The following FGD4 variants were observed in gnomAD, a reference collection of about 807,000 sequenced individuals.
FGD4 encodes the protein FYVE, RhoGEF and PH domain containing 4, also known as FYVE, RhoGEF and PH domain-containing protein 4.
FGD4 carries 42 observed loss-of-function variants against 102.0 expected under a neutral mutation model. The observed-to-expected ratio is 0.41, with a 90% CI of 0.32 to 0.53. FGD4 has a LOEUF of 0.53. FGD4 is among the 20% of genes least tolerant of loss of function. FGD4 has a pLI of 0.21. For synonymous variants in FGD4, 380 were observed against 375.7 expected, an observed-to-expected ratio of 1.01 and a Z score of -0.13; for missense variants, 902 against 1,078.2, an observed-to-expected ratio of 0.84 and a Z score of 2.29.
intron 1 of FGD4, among the ~76,000 whole-genome samples, chr12:32,443,602 G>T (rs1226971881): frequency 2.0e-5 from 3 of 147,302 alleles, no homozygotes; most frequent in African/African-American, 7.5e-5. Context: ...GCAGTGGTGC[G>T]ATCACAGCTC....
At chr12:32,431,208 C>G (rs889109473) in intron 1 of FGD4, among the ~76,000 whole-genome samples, 1 of 152,212 alleles carries the variant, frequency 6.6e-6, no homozygotes, top group African/African-American at 2.4e-5. Context: ...CTCTGATTAG[C>G]TGGCAGCAGA....
At chr12:32,629,623 G>A (rs1168842544) in intron 14 of FGD4, among the ~76,000 whole-genome samples, 1 of 151,956 alleles carries the variant, frequency 6.6e-6, no homozygotes, top group Non-Finnish European at 1.5e-5. Context: ...TGTCTCTCCT[G>A]TTTTTATCTC....
At chr12:32,430,384 C>G (rs1942007785) in intron 1 of FGD4, among the ~76,000 whole-genome samples, 1 of 152,032 alleles carries the variant, frequency 6.6e-6, no homozygotes, top group Admixed American at 6.6e-5. Context: ...TGCTGGGCAA[C>G]CGTACTTTTG....
At chr12:32,619,631 CAAAA>C in intron 10 of FGD4, 63 bp from the exon 11 acceptor site, 1 of 1,539,056 alleles carries the variant, frequency 6.5e-7, no homozygotes, top group Non-Finnish European at 9.0e-7. Context: ...GACTCTGTCT[CAAAA>C]AAAAACCTGA....
chr12:32,638,555 A>T, intron 15 of FGD4, 100 bp from the exon 16 acceptor site: 1 of 1,449,982 alleles, frequency 6.9e-7, no homozygotes, highest in Non-Finnish European at 9.5e-7. Context: ...TTTTTTGGAT[A>T]GTCCAGGGAA....
At chr12:32,615,545 G>T (rs1949395090) in intron 10 of FGD4, among the ~76,000 whole-genome samples, 1 of 152,062 alleles carries the variant, frequency 6.6e-6, no homozygotes, top group South Asian at 2.1e-4. Context: ...GGGTAATATA[G>T]ATAGCTAAAT....
chr12:32,602,167 T>C lies in FGD4; in HGVS notation c.1254T>C (p.Thr418=). Residue 418 remains threonine (T), a synonymous_variant, in exon 7 of 17, where the codon ACT becomes ACC. Coordinates refer to ENST00000534526, the MANE Select transcript of FGD4 (RefSeq NM_001370298.3). ...TTTTCTATATTTGATACAGGGAAAC[T>C]ACTCCTAGAATTGGAGACATCCTTC... ...ELEKRMQEWE[T]TPRIGDILQK... 6.2e-7 allele frequency: 1 copy of C among 1,613,994 alleles called. No homozygotes were observed. The highest frequency in any genetic ancestry group is 2.2e-5 in the East Asian group (1 of 44,854).
Position 32,402,117 on chromosome 12 carries a change from A to ATTTT in FGD4, c.166+2184_166+2187dup, listed in dbSNP as rs56852726. Among the ~76,000 whole-genome samples the ATTTT allele has an allele frequency of 5.2e-4, 55 of 105,188 alleles. 2 individuals carry two copies. The East Asian group carries it at 0.011, about 21-fold the overall frequency. The allele number at this position is 105,188 out of a possible 152,430, so 69.0% of individuals were successfully genotyped here. A position where few individuals can be genotyped will look rare whatever the true frequency, so the allele number is the denominator to read the frequency against. ...CGGAGTTTCACCATGTTGGCCAGGC[A>ATTTT]TTTTTTTTTTTTTTTTTTTTTTTTT... On this transcript the variant is annotated intron_variant, in intron 1 of 16. Coordinates refer to ENST00000534526, the MANE Select transcript of FGD4 (RefSeq NM_001370298.3).
chr12:32,498,850 C>T (rs1193887072), intron 1 of FGD4, among the ~76,000 whole-genome samples: 16 of 152,224 alleles, frequency 1.1e-4, no homozygotes, highest in Admixed American at 1.0e-3. Flanking sequence ...ATCCGCCTGC[C>T]TTGGCCTCCC....
chr12:32,412,908 T>G (rs1047964212), intron 1 of FGD4, among the ~76,000 whole-genome samples: 48 of 138,838 alleles, frequency 3.5e-4, no homozygotes, highest in Admixed American at 3.6e-4. Flanking sequence ...AATTTTTTTT[T>G]TTTTTTTTTT....
chr12:32,473,432 C>T (rs7310262), intron 1 of FGD4, among the ~76,000 whole-genome samples: 3 of 151,648 alleles, frequency 2.0e-5, no homozygotes, highest in South Asian at 2.1e-4. Flanking sequence ...CAACTCCAGA[C>T]GCGCCGCCTT....
At chr12:32,525,729 TC>T (rs751412300) in intron 1 of FGD4, among the ~76,000 whole-genome samples, 2 of 152,166 alleles carry the variant, frequency 1.3e-5, no homozygotes, top group Non-Finnish European at 2.9e-5. Flanking sequence ...CAGCTGGAGT[TC>T]CAGGTGGGCG....
At chr12:32,535,774 A>G (rs1278550190) in intron 1 of FGD4, among the ~76,000 whole-genome samples, 1 of 152,200 alleles carries the variant, frequency 6.6e-6, no homozygotes, top group Admixed American at 6.5e-5. Context: ...GATTGGAGAG[A>G]CAGTATTCCC....
rs1324548170 is a variant in FGD4, at chr12:32,644,099, CATG to C, written c.*3569_*3571del. The stretch of plus-strand genomic sequence containing the variant: ...GTGTTAGTGGGTCTAAGATTAAGCA[CATG>C]ATATTTATAAGCTAAAATTAACTCA... On this transcript the variant is annotated 3_prime_UTR_variant, in exon 17 of 17. Coordinates refer to ENST00000534526, the MANE Select transcript of FGD4 (RefSeq NM_001370298.3). 2 of 152,122 alleles carry C rather than the reference CATG, an allele frequency of 1.3e-5. No homozygotes were observed. Among genetic ancestry groups the C allele is most frequent in the Non-Finnish European group, 2.9e-5 (2 of 67,990 alleles). 9.4% of individuals were successfully genotyped at this position (152,122 alleles called of 1,614,324 possible).
At chr12:32,436,825 CA>C (rs995867716) in intron 1 of FGD4, among the ~76,000 whole-genome samples, 2 of 151,782 alleles carry the variant, frequency 1.3e-5, no homozygotes, top group African/African-American at 2.4e-5. Context: ...ATATAAAAAA[CA>C]AAAAATGGGG....
At chr12:32,550,622 G>A (rs1592185027) in intron 1 of FGD4, among the ~76,000 whole-genome samples, 1 of 135,448 alleles carries the variant, frequency 7.4e-6, no homozygotes, top group East Asian at 2.2e-4. Context: ...AGTGAGCCAT[G>A]ACAGTGCCAC....
At chr12:32,550,131 G>A (rs979377254) in intron 1 of FGD4, among the ~76,000 whole-genome samples, 3 of 152,168 alleles carry the variant, frequency 2.0e-5, no homozygotes, top group Non-Finnish European at 4.4e-5. Flanking sequence ...GGTGAAGATA[G>A]TGTCTTATTT....
chr12:32,530,640 T>A (rs1265673951), intron 1 of FGD4, among the ~76,000 whole-genome samples: 2 of 152,224 alleles, frequency 1.3e-5, no homozygotes, highest in East Asian at 3.9e-4. Flanking sequence ...TAGCTGTGAG[T>A]TCAGTGGCAT....
intron 1 of FGD4, among the ~76,000 whole-genome samples, chr12:32,456,353 G>A (rs537271483): frequency 4.4e-4 from 67 of 152,244 alleles, no homozygotes; most frequent in African/African-American, 1.6e-3. Context: ...AGGGGACAGT[G>A]GATGAACAGT....
Sources: allele counts gnomAD v4.1 joint callset (sites outside exome capture counted in the v4.1 genomes callset), GRCh38; gene constraint gnomAD v4.1.1; transcripts MANE v1.5; gene names NCBI Gene and HGNC (gene_info 2026-07-23, HGNC 2026-07-21).